Variants in TENM4 observed in about 807,000 individuals in gnomAD.
TENM4 encodes the protein teneurin-4.
Under a neutral mutation model 243.3 loss-of-function variants are expected in TENM4, and 82 were observed. That is an observed-to-expected ratio of 0.34 (90% CI 0.28 to 0.40). The LOEUF is 0.40. TENM4 is among the 10% of genes least tolerant of loss of function. The probability of loss-of-function intolerance (pLI) is 1.00; values close to 1 mark genes in which losing one functional copy is unlikely to be tolerated. For missense variants in TENM4, 3,138 were observed against 3,673.3 expected (o/e 0.85, Z 3.77); for synonymous variants, 1,412 against 1,456.3 (o/e 0.97, Z 0.69).
chr11:79,037,037 A>AAAAAAAAG (rs1859405209), intron 6 of TENM4, among the ~76,000 whole-genome samples: 6 of 104,278 alleles, frequency 5.8e-5, no homozygotes, highest in African/African-American at 8.9e-5. Context: ...AAAAAAAAAA[A>AAAAAAAAG]AAAAAAAAGA....
intron 6 of TENM4, among the ~76,000 whole-genome samples, chr11:79,006,252 A>G (rs1203214570): frequency 1.3e-5 from 2 of 152,152 alleles, no homozygotes; most frequent in African/African-American, 4.8e-5. Context: ...ACCTTCAGTT[A>G]GAAATTGCAA....
chr11:78,880,457 T>TAAAAAAAAAAAAAAAAAAA (rs71763484), intron 9 of TENM4, among the ~76,000 whole-genome samples: 1 of 104,646 alleles, frequency 9.6e-6, no homozygotes, highest in Non-Finnish European at 1.7e-5. Flanking sequence ...CAATAAATAC[T>TAAAAAAAAAAAAAAAAAAA]AAAAAAAAAA....
intron 2 of TENM4, among the ~76,000 whole-genome samples, chr11:79,250,606 G>T (rs780424856): frequency 1.1e-4 from 16 of 152,142 alleles, no homozygotes; most frequent in Non-Finnish European, 1.5e-4. Context: ...AGGATGCCTG[G>T]TTTCCAGGCC....
At chr11:79,004,086 A>G (rs893466399) in intron 6 of TENM4, among the ~76,000 whole-genome samples, 12 of 152,228 alleles carry the variant, frequency 7.9e-5, no homozygotes, top group African/African-American at 2.9e-4. Context: ...CAACAAGAAG[A>G]TCTAGCTATC....
rs1565197267 is a variant in TENM4 at position 79,085,378 on chromosome 11, A to AAAAAAT, written c.-65-15370_-65-15369insATTTTT. Among the ~76,000 whole-genome samples the AAAAAAT allele has an allele frequency of 0.012, 743 of 62,656 alleles. 15 individuals carry two copies. In the South Asian group the frequency reaches 0.14, roughly 12 times the overall value. 41.1% of individuals were successfully genotyped at this position (62,656 alleles called of 152,430 possible). A position where few individuals can be genotyped will look rare whatever the true frequency, so the allele number is the denominator to read the frequency against. ...GGCGAAAGAGCGAGACTCTGTCTCA[A>AAAAAAT]AAAAAAAAAAGGGGGGTTTTTTTTT... On this transcript the variant is annotated intron_variant, in intron 4 of 33. Coordinates refer to ENST00000278550, the MANE Select transcript of TENM4 (RefSeq NM_001098816.3).
At chr11:79,214,519 G>T (rs1565253125) in intron 3 of TENM4, among the ~76,000 whole-genome samples, 1 of 152,152 alleles carries the variant, frequency 6.6e-6, no homozygotes, top group Admixed American at 6.5e-5. Context: ...AGTTATGTAA[G>T]GTCCAGACTC....
chr11:79,232,588 T>C (rs766779416), intron 2 of TENM4, among the ~76,000 whole-genome samples: 1 of 152,164 alleles, frequency 6.6e-6, no homozygotes, highest in Admixed American at 6.6e-5. Flanking sequence ...AGCTGCTGAG[T>C]GCATCCCAAA....
At chr11:78,847,501 A>G (rs1858425873) in intron 12 of TENM4, among the ~76,000 whole-genome samples, 1 of 152,196 alleles carries the variant, frequency 6.6e-6, no homozygotes, top group South Asian at 2.1e-4. Flanking sequence ...CCCTCAGCAG[A>G]ATTTTAGCCA....
intron 12 of TENM4, among the ~76,000 whole-genome samples, chr11:78,845,030 T>C (rs1468535347): frequency 6.6e-6 from 1 of 152,212 alleles, no homozygotes; most frequent in Non-Finnish European, 1.5e-5. Flanking sequence ...TCTCAAAATA[T>C]GTCCTTTCTG....
intron 2 of TENM4, among the ~76,000 whole-genome samples, chr11:79,270,656 A>C (rs117903973): frequency 6.6e-6 from 1 of 151,830 alleles, no homozygotes; most frequent in East Asian, 1.9e-4. Flanking sequence ...CATTCTCTCT[A>C]TCTAGAGCAC....
intron 4 of TENM4, among the ~76,000 whole-genome samples, chr11:79,132,154 A>G (rs1862016148): frequency 6.6e-6 from 1 of 151,742 alleles, no homozygotes; most frequent in Non-Finnish European, 1.5e-5. Flanking sequence ...CACCCTGGCT[A>G]ACACAGTGAA....
intron 4 of TENM4, among the ~76,000 whole-genome samples, chr11:79,146,547 G>A (rs142459076): frequency 6.6e-6 from 1 of 152,118 alleles, no homozygotes; most frequent in Non-Finnish European, 1.5e-5. Flanking sequence ...AGCCACCGAG[G>A]TACCTAGGTC....
At chr11:78,843,867 G>C (rs138474770) in intron 12 of TENM4, among the ~76,000 whole-genome samples, 1 of 152,330 alleles carries the variant, frequency 6.6e-6, no homozygotes, top group East Asian at 1.9e-4. Context: ...GGGTGGCTGT[G>C]CCTTCATTCC....
At chr11:79,135,744 T>C (rs910934841) in intron 4 of TENM4, among the ~76,000 whole-genome samples, 11 of 137,712 alleles carry the variant, frequency 8.0e-5, no homozygotes, top group South Asian at 4.8e-4. Context: ...ATATACATCA[T>C]ATATACATAT....
At chr11:79,141,318 G>C (rs1028429619) in intron 4 of TENM4, among the ~76,000 whole-genome samples, 6 of 152,082 alleles carry the variant, frequency 3.9e-5, no homozygotes, top group Non-Finnish European at 1.5e-5. Flanking sequence ...CATTACAACT[G>C]ACACTGCATA....
chr11:79,160,613 G>T (rs1862722691), intron 3 of TENM4, among the ~76,000 whole-genome samples: 1 of 152,126 alleles, frequency 6.6e-6, no homozygotes, highest in Non-Finnish European at 1.5e-5. Flanking sequence ...CTGTACTTGG[G>T]TTACTACAGT....
intron 1 of TENM4, among the ~76,000 whole-genome samples, chr11:79,340,001 T>C (rs557902714): frequency 3.3e-5 from 5 of 152,226 alleles, no homozygotes; most frequent in African/African-American, 1.2e-4. Flanking sequence ...ACAAAAGCCT[T>C]CTGCCAGGGT....
At chr11:79,076,542 G>A (rs1860540132) in intron 4 of TENM4, 2 of 152,198 alleles carry the variant, frequency 1.3e-5, no homozygotes, top group African/African-American at 4.8e-5. Flanking sequence ...GGAAAAACCG[G>A]CCCCCATGAT....
chr11:79,228,501 T>G (rs1228758296), intron 2 of TENM4, among the ~76,000 whole-genome samples: 2 of 152,200 alleles, frequency 1.3e-5, no homozygotes, highest in East Asian at 3.9e-4. Flanking sequence ...GCAGACTTGC[T>G]TGCCACCTCG....
Sources: allele counts gnomAD v4.1 joint callset (sites outside exome capture counted in the v4.1 genomes callset), GRCh38; gene constraint gnomAD v4.1.1; transcripts MANE v1.5; gene names NCBI Gene and HGNC (gene_info 2026-07-23, HGNC 2026-07-21).